SKAP1: variants seen among roughly 807,000 people sequenced by gnomAD.
SKAP1 encodes src kinase associated phosphoprotein 1.
In SKAP1, 44 loss-of-function variants were observed where a neutral mutation model predicts 58.5. The ratio of observed to expected loss-of-function variants is 0.75; its 90% CI spans 0.59 to 0.97. The LOEUF is 0.97. Ranked by LOEUF, SKAP1 falls within the 50% of genes least tolerant of loss-of-function variation. The pLI, the probability that SKAP1 is intolerant of heterozygous loss-of-function variation, is 0.00. For missense variants in SKAP1, 390 were observed against 435.2 expected, an observed-to-expected ratio of 0.90 and a Z score of 0.92; for synonymous variants, 127 against 149.7, an observed-to-expected ratio of 0.85 and a Z score of 1.11.
chr17:48,320,535 G>T (rs1046503099), intron 4 of SKAP1, among the ~76,000 whole-genome samples: 1 of 152,122 alleles, frequency 6.6e-6, no homozygotes, highest in African/African-American at 2.4e-5. Flanking sequence ...ATATAAAAAA[G>T]AAAGTAAGTT....
At chr17:48,156,525 C>T (rs763657968) in intron 11 of SKAP1, 2 of 521,968 alleles carry the variant, frequency 3.8e-6, no homozygotes, top group East Asian at 5.6e-5. Flanking sequence ...GAAGTTTAGT[C>T]CCTCACCAGA....
Position 48,430,165 on chromosome 17 carries a change from G to C in SKAP1, c.-45C>G. ...GCGGGACGGGGCGCGGGCCCTGGTC[G>C]GGAGGCGGACGGGCTGGAAGGCGAC... On this transcript the variant is annotated 5_prime_UTR_variant, in exon 1 of 13. Transcript: ENST00000336915. 2 of 1,249,464 alleles carry C rather than the reference G, an allele frequency of 1.6e-6. No homozygotes were observed. Among genetic ancestry groups the C allele is most frequent in the Non-Finnish European group, 2.0e-6 (2 of 989,220 alleles). The allele number at this position is 1,249,464 out of a possible 1,614,324, so 77.4% of individuals were successfully genotyped here. A position where few individuals can be genotyped will look rare whatever the true frequency, so the allele number is the denominator to read the frequency against.
intron 11 of SKAP1, among the ~76,000 whole-genome samples, chr17:48,153,635 A>T (rs960441235): frequency 6.6e-6 from 1 of 152,132 alleles, no homozygotes; most frequent in African/African-American, 2.4e-5. Context: ...ATACTTTGCC[A>T]TAGGATCCCC....
chr17:48,166,480 C>A (rs1184216128), intron 10 of SKAP1, among the ~76,000 whole-genome samples: 2 of 152,230 alleles, frequency 1.3e-5, no homozygotes, highest in African/African-American at 4.8e-5. Context: ...GGACATCTCT[C>A]TGCCTTTCTC....
chr17:48,430,817 G>T (rs987396839), upstream of SKAP1, among the ~76,000 whole-genome samples: 1 of 152,206 alleles, frequency 6.6e-6, no homozygotes, highest in Admixed American at 6.5e-5. Flanking sequence ...GGAAAGGAAG[G>T]GGTAACACAG....
At chr17:48,411,678 G>A (rs1020727699) in intron 1 of SKAP1, among the ~76,000 whole-genome samples, 10 of 152,094 alleles carry the variant, frequency 6.6e-5, no homozygotes, top group Admixed American at 2.6e-4. Flanking sequence ...CTGATAGCAC[G>A]TACACTTGAC....
chr17:48,303,234 T>C (rs1352095752), intron 4 of SKAP1, among the ~76,000 whole-genome samples: 1 of 152,176 alleles, frequency 6.6e-6, no homozygotes, highest in East Asian at 1.9e-4. Context: ...TGCTAAGACA[T>C]TACCAGGTGA....
At chr17:48,340,597 T>C (rs1483059625) in intron 4 of SKAP1, among the ~76,000 whole-genome samples, 1 of 152,128 alleles carries the variant, frequency 6.6e-6, no homozygotes, top group Non-Finnish European at 1.5e-5. Context: ...ATCAAAATAA[T>C]ATACACTGTG....
chr17:48,219,029 C>T (rs976298490), intron 4 of SKAP1, among the ~76,000 whole-genome samples: 4 of 152,116 alleles, frequency 2.6e-5, no homozygotes, highest in African/African-American at 9.7e-5. Context: ...ACCTAATTTC[C>T]TATTAGTATT....
chr17:48,270,288 C>A (rs557058731), intron 4 of SKAP1, among the ~76,000 whole-genome samples: 1 of 152,030 alleles, frequency 6.6e-6, no homozygotes, highest in African/African-American at 2.4e-5. Context: ...CACATACACA[C>A]CTAATTTTAG....
intron 9 of SKAP1, among the ~76,000 whole-genome samples, chr17:48,175,817 AAAC>A (rs2064282128): frequency 6.6e-6 from 1 of 152,210 alleles, no homozygotes; most frequent in African/African-American, 2.4e-5. Context: ...TAGGTAGAAG[AAAC>A]AACATGATTC....
intron 2 of SKAP1, among the ~76,000 whole-genome samples, chr17:48,379,261 A>G (rs1474489368): frequency 6.6e-6 from 1 of 152,196 alleles, no homozygotes; most frequent in Non-Finnish European, 1.5e-5. Context: ...AATACAATCA[A>G]TTTGTTTCCT....
intron 4 of SKAP1, among the ~76,000 whole-genome samples, chr17:48,291,054 G>A (rs1419628143): frequency 6.6e-6 from 1 of 152,156 alleles, no homozygotes; most frequent in East Asian, 1.9e-4. Flanking sequence ...AGGGGTTTGA[G>A]GCTGCAATGA....
At chr17:48,402,755 A>G (rs1022227406) in intron 1 of SKAP1, among the ~76,000 whole-genome samples, 1 of 152,228 alleles carries the variant, frequency 6.6e-6, no homozygotes, top group Admixed American at 6.5e-5. Flanking sequence ...TGAAATGCTG[A>G]TATGTGCTAC....
At chr17:48,369,970 ATATT>A (rs1312609306) in intron 2 of SKAP1, among the ~76,000 whole-genome samples, 1 of 152,182 alleles carries the variant, frequency 6.6e-6, no homozygotes, top group Non-Finnish European at 1.5e-5. Context: ...AACCAATTCA[ATATT>A]TATTGAATGT....
At chr17:48,425,551 T>TAG (rs1256074157) in intron 1 of SKAP1, among the ~76,000 whole-genome samples, 1 of 152,206 alleles carries the variant, frequency 6.6e-6, no homozygotes, top group African/African-American at 2.4e-5. Flanking sequence ...AACTGAGCAG[T>TAG]AGCCTCACTG....
intron 6 of SKAP1, among the ~76,000 whole-genome samples, chr17:48,185,539 A>T (rs773754672): frequency 1.3e-5 from 2 of 152,192 alleles, no homozygotes; most frequent in African/African-American, 4.8e-5. Flanking sequence ...ACAGAAAAAG[A>T]GGAGGTGACT....
At position 48,289,287 on chromosome 17, in the gene SKAP1, CAT is replaced by C. The variant is rs375465680; in HGVS notation, c.280+56616_280+56617del. On this transcript the variant is annotated intron_variant, in intron 4 of 12. Transcript: ENST00000336915. ...ATATTCAAAGGCCTGAAATTAAAAACATGTTTCCTTATGAAATTTGGTATATT... is the reference window on the plus strand; with the variant it reads ...ATATTCAAAGGCCTGAAATTAAAAACGTTTCCTTATGAAATTTGGTATATT... 4.5e-4 allele frequency among the ~76,000 whole-genome samples: 68 copies of C among 151,956 alleles called. 1 individual carries two copies. The East Asian group carries it at 5.6e-3, about 12-fold the overall frequency.
chr17:48,189,601 G>T (rs2064509494), intron 4 of SKAP1, 101 bp from the exon 5 acceptor site: 3 of 739,820 alleles, frequency 4.1e-6, no homozygotes, highest in Non-Finnish European at 6.8e-6. Flanking sequence ...GTACAAAAAG[G>T]GCAATTGCTT....
Sources: allele counts gnomAD v4.1 joint callset (sites outside exome capture counted in the v4.1 genomes callset), GRCh38; gene constraint gnomAD v4.1.1; transcripts MANE v1.5; gene names NCBI Gene and HGNC (gene_info 2026-07-23, HGNC 2026-07-21).